RASGRP3: variants seen among roughly 807,000 people sequenced by gnomAD.
The protein encoded by RASGRP3 is RAS guanyl releasing protein 3.
A neutral mutation model predicts 82.7 loss-of-function variants in RASGRP3; 54 were observed. The observed-to-expected ratio is 0.65, with a 90% CI of 0.52 to 0.82. RASGRP3 has a LOEUF of 0.82. Ranked by LOEUF, RASGRP3 falls within the 40% of genes least tolerant of loss-of-function variation. The pLI is 0.00. For synonymous variants in RASGRP3, 309 were observed against 300.5 expected (o/e 1.03, Z -0.29); for missense variants, 861 against 828.9 (o/e 1.04, Z -0.48).
At chr2:33,497,934 C>G (rs778352074) in intron 1 of RASGRP3, among the ~76,000 whole-genome samples, 7 of 151,886 alleles carry the variant, frequency 4.6e-5, no homozygotes, top group Non-Finnish European at 1.0e-4. Context: ...GTTCTCATTT[C>G]ATGATACAGA....
intron 13 of RASGRP3, among the ~76,000 whole-genome samples, chr2:33,543,846 G>GTT (rs1261999588): frequency 8.5e-5 from 13 of 152,110 alleles, no homozygotes; most frequent in Non-Finnish European, 1.8e-4. Context: ...GAACACAAGT[G>GTT]CACATTTGTA....
At chr2:33,471,094 A>G (rs1373691978) in intron 2 of RASGRP3, among the ~76,000 whole-genome samples, 2 of 152,144 alleles carry the variant, frequency 1.3e-5, no homozygotes, top group African/African-American at 2.4e-5. Flanking sequence ...ATTTGAATTA[A>G]CATGAGTATC....
intron 14 of RASGRP3, among the ~76,000 whole-genome samples, chr2:33,554,268 G>A (rs892862884): frequency 1.3e-5 from 2 of 152,034 alleles, no homozygotes; most frequent in Non-Finnish European, 2.9e-5. Context: ...CATTGTGAAC[G>A]GCACCCCCAT....
intron 1 of RASGRP3, among the ~76,000 whole-genome samples, chr2:33,508,308 G>A (rs906257656): frequency 3.3e-5 from 5 of 152,206 alleles, no homozygotes; most frequent in South Asian, 4.1e-4. Flanking sequence ...TATCCATTAC[G>A]GACTTCTGAG....
rs1056978514 is a variant in RASGRP3, at chr2:33,534,316, G to C, written c.1084-7G>C. On this transcript the variant is annotated splice_polypyrimidine_tract_variant and splice_region_variant and intron_variant, in intron 10 of 17. Transcript: ENST00000403687. ...CGACATTTTTATCCCTTCTAATTTT[G>C]TTGTAGCTTTCCCTGGACCTCTATC... The C allele has an allele frequency of 6.5e-7, 1 of 1,541,756 alleles. No individual in the cohort carries two copies. The highest frequency in any genetic ancestry group is 9.0e-7 in the Non-Finnish European group (1 of 1,116,920).
rs573022728 is a variant in RASGRP3, at chr2:33,556,231, C to CTTTTTTTTT, written c.1579+683_1579+691dup. On this transcript the variant is annotated intron_variant, in intron 15 of 17. Coordinates refer to ENST00000403687, the MANE Select transcript of RASGRP3 (RefSeq NM_001139488.2). ...CAGTTTATATGGTTCTTCTAATAAT[C>CTTTTTTTTT]TTTTTTTTTTTTTTTTTTTTTTTTT... 4.1e-3 allele frequency among the ~76,000 whole-genome samples: 235 copies of CTTTTTTTTT among 57,502 alleles called. 38 individuals carry two copies. The highest frequency in any genetic ancestry group is 0.022 in the African/African-American group (204 of 9,316). The allele number at this position is 57,502 out of a possible 152,430, so 37.7% of individuals were successfully genotyped here.
chr2:33,506,342 G>T (rs960665180), intron 1 of RASGRP3, among the ~76,000 whole-genome samples: 1 of 152,150 alleles, frequency 6.6e-6, no homozygotes, highest in African/African-American at 2.4e-5. Flanking sequence ...TTTTGGAGTT[G>T]GACTTGGCTT....
rs1007468022 is a variant in RASGRP3, at chr2:33,564,675, C to T, written c.*1938C>T. ...AGGAAGTTTTATATTGCCAGCCTTC[C>T]TGTGATAAAGATATTAAATGTAACT... is the stretch of plus-strand genomic sequence containing the variant. On this transcript the variant is annotated 3_prime_UTR_variant, in exon 18 of 18. Transcript: ENST00000403687. The T allele has an allele frequency of 6.6e-6, 1 of 151,880 alleles. No homozygotes were observed. Among genetic ancestry groups the T allele is most frequent in the Non-Finnish European group, 1.5e-5 (1 of 67,972 alleles). 9.4% of individuals were successfully genotyped at this position (151,880 alleles called of 1,614,324 possible).
intron 1 of RASGRP3, among the ~76,000 whole-genome samples, chr2:33,480,467 C>T (rs1574295375): frequency 6.6e-6 from 1 of 152,270 alleles, no homozygotes; most frequent in East Asian, 1.9e-4. Context: ...GCCTCCAATC[C>T]TTGCTAGGAA....
chr2:33,471,341 A>ATTT lies in RASGRP3; in HGVS notation c.-261+23417_-261+23419dup, dbSNP rs70940204. Among the ~76,000 whole-genome samples the ATTT allele has an allele frequency of 5.2e-3, 559 of 106,792 alleles. 13 individuals are homozygous for ATTT. Among genetic ancestry groups the ATTT allele is most frequent in the African/African-American group, 0.011 (294 of 27,170 alleles). The allele number at this position is 106,792 out of a possible 152,430, so 70.1% of individuals were successfully genotyped here. ...TAGGCATCTGCCATCACACTGGGCT[A>ATTT]TTTTTTTTTTTTTTTTTTTTTGTAG... is the stretch of plus-strand genomic sequence containing the variant. On this transcript the variant is annotated intron_variant, in intron 2 of 18. Coordinates refer to the RASGRP3 transcript ENST00000402538.
At chr2:33,512,018 T>A (rs548318276) in intron 2 of RASGRP3, among the ~76,000 whole-genome samples, 176 bp downstream of exon 2, 1 of 152,342 alleles carries the variant, frequency 6.6e-6, no homozygotes, top group East Asian at 1.9e-4. Context: ...TATATTGCTT[T>A]TGTGATAAAG....
intron 11 of RASGRP3, 117 bp downstream of exon 11, chr2:33,534,517 A>G (rs1237649055): frequency 9.2e-6 from 7 of 757,120 alleles, no homozygotes; most frequent in East Asian, 8.1e-5. Flanking sequence ...AAAAATTGAC[A>G]TTATTCTTTC....
intron 15 of RASGRP3, among the ~76,000 whole-genome samples, chr2:33,557,870 T>C (rs1255443862): frequency 6.6e-6 from 1 of 152,102 alleles, no homozygotes; most frequent in African/African-American, 2.4e-5. Context: ...TGGGAAAGAC[T>C]CTCAACCCCA....
intron 1 of RASGRP3, among the ~76,000 whole-genome samples, chr2:33,489,450 C>A (rs576885705): frequency 6.6e-6 from 1 of 152,320 alleles, no homozygotes; most frequent in African/African-American, 2.4e-5. Flanking sequence ...CACAGGCTGA[C>A]AGCACTCTTT....
chr2:33,517,319 G>T (rs757705347), intron 4 of RASGRP3, among the ~76,000 whole-genome samples: 60 of 152,190 alleles, frequency 3.9e-4, no homozygotes, highest in Non-Finnish European at 7.5e-4. Flanking sequence ...TTTGTAAAAG[G>T]TTCTATTCCC....
chr2:33,480,944 T>A (rs72804221), intron 1 of RASGRP3, among the ~76,000 whole-genome samples: 7,941 of 152,210 alleles, frequency 0.052, 587 homozygotes, highest in African/African-American at 0.17. Flanking sequence ...CCCCTGCATT[T>A]ATATATGCCG....
chr2:33,555,665 G>A (rs1162019102), intron 15 of RASGRP3, 98 bp downstream of exon 15: 14 of 1,104,210 alleles, frequency 1.3e-5, no homozygotes, highest in East Asian at 5.3e-5. Context: ...GCCATTATTC[G>A]GAATTTCAGT....
chr2:33,530,947 A>G (rs1434927392), intron 10 of RASGRP3: 2 of 152,230 alleles, frequency 1.3e-5, no homozygotes, highest in Admixed American at 6.5e-5. Context: ...TGCGTGGGGT[A>G]TGAAATAGTT....
At chr2:33,488,672 A>C (rs1668598931) in intron 1 of RASGRP3, among the ~76,000 whole-genome samples, 1 of 152,242 alleles carries the variant, frequency 6.6e-6, no homozygotes. Flanking sequence ...AACAAGGGCC[A>C]AAATCCACCA....
Sources: gnomAD v4.1 joint callset for allele counts (sites outside exome capture counted in the v4.1 genomes callset) on GRCh38, gnomAD v4.1.1 for gene constraint, MANE v1.5 for transcripts, NCBI Gene and HGNC (gene_info 2026-07-23, HGNC 2026-07-21) for gene names.